Variants in GMDS observed in about 807,000 individuals in gnomAD.
GMDS encodes GDP-mannose 4,6 dehydratase.
Under a neutral mutation model 49.9 loss-of-function variants are expected in GMDS, and 20 were observed. The ratio of observed to expected loss-of-function variants is 0.40; its 90% CI spans 0.28 to 0.58. The LOEUF is 0.58. Among genes scored for constraint, GMDS ranks in the 20% least tolerant of loss-of-function variants. The pLI, the probability that GMDS is intolerant of heterozygous loss-of-function variation, is 0.42. For synonymous variants in GMDS, 177 were observed against 178.6 expected, an observed-to-expected ratio of 0.99 and a Z score of 0.07; for missense variants, 362 against 481.4, an observed-to-expected ratio of 0.75 and a Z score of 2.32.
At chr6:1,670,804 G>A (rs1457984415) in intron 9 of GMDS, among the ~76,000 whole-genome samples, 2 of 152,180 alleles carry the variant, frequency 1.3e-5, no homozygotes, top group Non-Finnish European at 2.9e-5. Context: ...GTCATCTGCA[G>A]GTCAAACCAT....
At chr6:1,795,661 G>A (rs1769709753) in intron 7 of GMDS, among the ~76,000 whole-genome samples, 1 of 152,120 alleles carries the variant, frequency 6.6e-6, no homozygotes, top group Non-Finnish European at 1.5e-5. Context: ...TTAAAGATTA[G>A]TTCAAAACAG....
chr6:2,192,464 T>C (rs1228342638), intron 1 of GMDS, among the ~76,000 whole-genome samples: 1 of 152,216 alleles, frequency 6.6e-6, no homozygotes, highest in Non-Finnish European at 1.5e-5. Context: ...AACATGCTCC[T>C]CACTCATCAA....
intron 4 of GMDS, among the ~76,000 whole-genome samples, chr6:2,026,128 C>G (rs780463611): frequency 3.3e-5 from 5 of 152,078 alleles, no homozygotes; most frequent in Non-Finnish European, 5.9e-5. Flanking sequence ...AGATACCCAC[C>G]AAAAACGGTG....
At chr6:1,723,133 G>A (rs1050859545) in intron 9 of GMDS, among the ~76,000 whole-genome samples, 49 of 152,186 alleles carry the variant, frequency 3.2e-4, no homozygotes, top group African/African-American at 1.0e-3. Flanking sequence ...GTGGAACTAC[G>A]CCCTCTATGG....
At chr6:2,232,960 C>T (rs1052161900) in intron 1 of GMDS, among the ~76,000 whole-genome samples, 1 of 152,092 alleles carries the variant, frequency 6.6e-6, no homozygotes, top group African/African-American at 2.4e-5. Flanking sequence ...ACATACAAGA[C>T]AGAATGTAAA....
chr6:2,000,658 T>C (rs1766758080), intron 4 of GMDS, among the ~76,000 whole-genome samples: 1 of 152,194 alleles, frequency 6.6e-6, no homozygotes, highest in African/African-American at 2.4e-5. Context: ...AAGTCTCTTT[T>C]TTTGTTTTAG....
chr6:2,139,525 T>C (rs1156450984), intron 1 of GMDS, among the ~76,000 whole-genome samples: 1 of 152,192 alleles, frequency 6.6e-6, no homozygotes, highest in Non-Finnish European at 1.5e-5. Context: ...TTGTTCCTGA[T>C]CATACGATGA....
chr6:2,241,542 G>A (rs1210223259), intron 1 of GMDS, among the ~76,000 whole-genome samples: 1 of 152,056 alleles, frequency 6.6e-6, no homozygotes, highest in African/African-American at 2.4e-5. Context: ...AGGTGTTTTG[G>A]TCATGGAAGC....
At chr6:1,662,589 G>T (rs770472289) in intron 9 of GMDS, among the ~76,000 whole-genome samples, 5 of 152,130 alleles carry the variant, frequency 3.3e-5, no homozygotes, top group Non-Finnish European at 7.4e-5. Flanking sequence ...GGAGGTCCAG[G>T]CCTGTCTGTA....
At chr6:1,683,673 T>C (rs1764873906) in intron 9 of GMDS, among the ~76,000 whole-genome samples, 1 of 152,174 alleles carries the variant, frequency 6.6e-6, no homozygotes, top group African/African-American at 2.4e-5. Flanking sequence ...CCTTTAGACA[T>C]GAGAGGTGCT....
chr6:2,104,272 G>A (rs1464729233), intron 4 of GMDS, among the ~76,000 whole-genome samples: 1 of 152,144 alleles, frequency 6.6e-6, no homozygotes, highest in Non-Finnish European at 1.5e-5. Context: ...TCCCCACCTG[G>A]GATTTGTCCA....
At chr6:2,071,650 A>G (rs1335589207) in intron 4 of GMDS, among the ~76,000 whole-genome samples, 1 of 151,946 alleles carries the variant, frequency 6.6e-6, no homozygotes, top group Non-Finnish European at 1.5e-5. Flanking sequence ...TGAAAAAGCT[A>G]TGAAAAACAA....
intron 4 of GMDS, among the ~76,000 whole-genome samples, chr6:2,057,511 C>A (rs1044098181): frequency 2.0e-5 from 3 of 152,154 alleles, no homozygotes; most frequent in Admixed American, 2.0e-4. Context: ...TGTTGAATTA[C>A]TCATGTCTTT....
At chr6:1,628,042 A>G (rs1011484090) in intron 9 of GMDS, among the ~76,000 whole-genome samples, 2 of 152,144 alleles carry the variant, frequency 1.3e-5, no homozygotes, top group African/African-American at 4.8e-5. Flanking sequence ...TATTCATTTG[A>G]CCTTCGGGAG....
intron 7 of GMDS, among the ~76,000 whole-genome samples, chr6:1,915,095 T>C (rs1761306868): frequency 6.6e-6 from 1 of 152,232 alleles, no homozygotes; most frequent in Non-Finnish European, 1.5e-5. Flanking sequence ...AACCATCCAC[T>C]GTATCTGCAG....
intron 7 of GMDS, among the ~76,000 whole-genome samples, chr6:1,824,454 T>A (rs568100474): frequency 2.2e-4 from 33 of 152,288 alleles, no homozygotes; most frequent in Admixed American, 3.9e-4. Context: ...ATTCCCTGAA[T>A]ACGTCCACAC....
intron 1 of GMDS, among the ~76,000 whole-genome samples, chr6:2,233,829 A>C (rs1202932157): frequency 6.6e-6 from 1 of 152,132 alleles, no homozygotes; most frequent in African/African-American, 2.4e-5. Context: ...CATCTCGAAA[A>C]ACAAAAACAA....
chr6:2,231,231 A>G (rs1781093342), intron 1 of GMDS, among the ~76,000 whole-genome samples: 2 of 151,950 alleles, frequency 1.3e-5, no homozygotes, highest in African/African-American at 4.8e-5. Context: ...CTTGACTCCT[A>G]AGTTCTGCTA....
chr6:1,938,459 A>G (rs1047865282), intron 6 of GMDS, among the ~76,000 whole-genome samples: 4 of 152,218 alleles, frequency 2.6e-5, no homozygotes, highest in Non-Finnish European at 5.9e-5. Flanking sequence ...GTTGAAAATT[A>G]TCTTCTCTTC....
Sources: gnomAD v4.1 joint callset for allele counts (sites outside exome capture counted in the v4.1 genomes callset) on GRCh38, gnomAD v4.1.1 for gene constraint, MANE v1.5 for transcripts, NCBI Gene and HGNC (gene_info 2026-07-23, HGNC 2026-07-21) for gene names.